The following ENPP3 variants were observed in gnomAD, a reference collection of about 807,000 sequenced individuals.
The protein encoded by ENPP3 is ectonucleotide pyrophosphatase/phosphodiesterase 3.
Under a neutral mutation model 117.8 loss-of-function variants are expected in ENPP3, and 104 were observed. The observed-to-expected ratio is 0.88, with a 90% confidence interval of 0.75 to 1.04. The LOEUF is 1.04. Ranked by LOEUF, ENPP3 falls within the 50% of genes least tolerant of loss-of-function variation. The pLI, the probability that ENPP3 is intolerant of heterozygous loss-of-function variation, is 0.00. For synonymous variants in ENPP3, 380 were observed against 349.9 expected, an observed-to-expected ratio of 1.09 and a Z score of -0.96; for missense variants, 1,026 against 1,051.9, an observed-to-expected ratio of 0.98 and a Z score of 0.34.
intron 9 of ENPP3, 62 bp from the exon 10 acceptor site, chr6:131,676,674 T>A (rs764308792): frequency 6.7e-5 from 73 of 1,085,044 alleles, no homozygotes; most frequent in Non-Finnish European, 1.0e-4. Flanking sequence ...TGAATAGGAA[T>A]GTAATGGAGT....
intron 20 of ENPP3, among the ~76,000 whole-genome samples, chr6:131,732,878 C>T (rs939407137): frequency 7.9e-5 from 12 of 151,234 alleles, no homozygotes; most frequent in African/African-American, 2.2e-4. Context: ...TACAGGTGCC[C>T]GCCACCATAC....
chr6:131,638,000 C>G (rs565331341), intron 1 of ENPP3, among the ~76,000 whole-genome samples: 1 of 93,550 alleles, frequency 1.1e-5, no homozygotes, highest in East Asian at 3.0e-4. Context: ...TTTTCTTTTT[C>G]TTTTTACTCC....
At chr6:131,696,869 A>T (rs1040088071) in intron 15 of ENPP3, among the ~76,000 whole-genome samples, 6 of 147,158 alleles carry the variant, frequency 4.1e-5, no homozygotes, top group Admixed American at 1.4e-4. Flanking sequence ...TCCCAGGTTC[A>T]TGCCATTCTC....
At chr6:131,701,740 G>A (rs1256533876) in intron 15 of ENPP3, among the ~76,000 whole-genome samples, 6 of 150,212 alleles carry the variant, frequency 4.0e-5, no homozygotes, top group South Asian at 2.1e-4. Flanking sequence ...AAATTAGCCC[G>A]GCGTGGCGGC....
At chr6:131,716,406 T>C (rs1779888304) in intron 15 of ENPP3, among the ~76,000 whole-genome samples, 1 of 152,120 alleles carries the variant, frequency 6.6e-6, no homozygotes, top group Non-Finnish European at 1.5e-5. Flanking sequence ...TTGCAATATT[T>C]ACTATAGTTT....
intron 24 of ENPP3, among the ~76,000 whole-genome samples, chr6:131,741,251 T>C (rs1367973484): frequency 2.0e-5 from 3 of 152,140 alleles, no homozygotes; most frequent in African/African-American, 7.2e-5. Context: ...ATTAAGCACA[T>C]AGTATCATGA....
intron 1 of ENPP3, 135 bp from the exon 2 acceptor site, chr6:131,641,320 A>T (rs1456237992): frequency 1.2e-5 from 6 of 501,962 alleles, no homozygotes; most frequent in African/African-American, 1.9e-5. Flanking sequence ...CAGATACTAG[A>T]TCATTGTTGG....
chr6:131,676,963 G>C (rs993717202), intron 10 of ENPP3, among the ~76,000 whole-genome samples, 162 bp downstream of exon 10: 2 of 152,004 alleles, frequency 1.3e-5, no homozygotes, highest in Non-Finnish European at 2.9e-5. Flanking sequence ...TGGCTGGGCA[G>C]GGGGTCTCAC....
intron 16 of ENPP3, among the ~76,000 whole-genome samples, chr6:131,720,008 G>C (rs998917261): frequency 2.6e-5 from 4 of 152,078 alleles, no homozygotes; most frequent in African/African-American, 9.7e-5. Context: ...TGCTGATATT[G>C]GTTGTGTGCC....
intron 5 of ENPP3, among the ~76,000 whole-genome samples, chr6:131,655,459 G>A (rs1778365631): frequency 6.6e-6 from 1 of 152,200 alleles, no homozygotes; most frequent in African/African-American, 2.4e-5. Context: ...AACCCAGGCA[G>A]TAAGGACCCA....
intron 5 of ENPP3, among the ~76,000 whole-genome samples, chr6:131,656,766 C>CAA (rs776315476): frequency 3.3e-5 from 3 of 90,866 alleles, no homozygotes; most frequent in African/African-American, 8.2e-5. Context: ...GACTCCGTCT[C>CAA]AAAAAAAAAA....
At chr6:131,741,480 T>C (rs1780526739) in intron 24 of ENPP3, among the ~76,000 whole-genome samples, 1 of 152,206 alleles carries the variant, frequency 6.6e-6, no homozygotes, top group Non-Finnish European at 1.5e-5. Context: ...AAATCACATT[T>C]GGCTGGAATG....
rs1378394854 is a variant in ENPP3 at position 131,747,089 on chromosome 6, A to G, written c.*133A>G. 2.0e-6 allele frequency: 1 copy of G among 493,204 alleles called. No homozygotes were observed. The highest frequency in any genetic ancestry group is 3.5e-6 in the Non-Finnish European group (1 of 286,062). 30.6% of individuals were successfully genotyped at this position (493,204 alleles called of 1,614,324 possible). ...AAGTCCCCTAAAAGCCATAATTTTTATTATTCCTTTTTCTCTTTTTTCAAT... is the reference window on the plus strand; with the variant it reads ...AAGTCCCCTAAAAGCCATAATTTTTGTTATTCCTTTTTCTCTTTTTTCAAT... On this transcript the variant is annotated 3_prime_UTR_variant, in exon 25 of 25. Transcript: ENST00000357639.
intron 3 of ENPP3, among the ~76,000 whole-genome samples, chr6:131,650,600 G>A (rs1778243114): frequency 6.6e-6 from 1 of 152,204 alleles, no homozygotes; most frequent in South Asian, 2.1e-4. Flanking sequence ...AGACTGGGTG[G>A]CTTAGCCAAC....
chr6:131,693,400 T>C, intron 14 of ENPP3, 97 bp from the exon 15 acceptor site: 1 of 1,120,376 alleles, frequency 8.9e-7, no homozygotes, highest in Non-Finnish European at 1.3e-6. Flanking sequence ...ATCCCCTTAC[T>C]TTTAAAAGGT....
chr6:131,741,378 C>T (rs1780525039), intron 24 of ENPP3, among the ~76,000 whole-genome samples: 1 of 152,000 alleles, frequency 6.6e-6, no homozygotes, highest in Non-Finnish European at 1.5e-5. Flanking sequence ...GTCAATAATA[C>T]AAGAATTATT....
chr6:131,663,546 T>TAAA (rs1778550177), intron 6 of ENPP3, among the ~76,000 whole-genome samples: 1 of 114,850 alleles, frequency 8.7e-6, no homozygotes, highest in Admixed American at 8.7e-5. Context: ...AAAAAAAAAG[T>TAAA]AGCTAAGCAC....
intron 8 of ENPP3, 145 bp from the exon 9 acceptor site, chr6:131,674,935 T>C: frequency 1.8e-6 from 1 of 566,126 alleles, no homozygotes; most frequent in Non-Finnish European, 3.1e-6. Context: ...GATTCTTAGA[T>C]AATTATATCT....
rs34240023 is a variant in ENPP3 at position 131,739,941 on chromosome 6, A to AAT, written c.2301-270_2301-269dup. On this transcript the variant is annotated intron_variant, in intron 23 of 24. Coordinates refer to ENST00000357639, the MANE Select transcript of ENPP3 (RefSeq NM_005021.5). The stretch of plus-strand genomic sequence containing the variant: ...AAAATCCAAAGTACCATTAGAAGTA[A>AAT]ATATATATATATATGTGTGTGTGTC... Among the ~76,000 whole-genome samples the AAT allele has an allele frequency of 2.7e-5, 4 of 149,328 alleles. 1 individual carries two copies. Among genetic ancestry groups the AAT allele is most frequent in the South Asian group, 4.2e-4 (2 of 4,754 alleles).
Sources: gnomAD v4.1 joint callset for allele counts (sites outside exome capture counted in the v4.1 genomes callset) on GRCh38, gnomAD v4.1.1 for gene constraint, MANE v1.5 for transcripts, NCBI Gene and HGNC (gene_info 2026-07-23, HGNC 2026-07-21) for gene names.